IGSF9B: variants seen among roughly 807,000 people sequenced by gnomAD.
IGSF9B encodes the protein immunoglobulin superfamily member 9B.
A neutral mutation model predicts 143.7 loss-of-function variants in IGSF9B; 48 were observed. The observed-to-expected ratio is 0.33, with a 90% confidence interval of 0.26 to 0.42. IGSF9B has a LOEUF of 0.42. IGSF9B is among the 20% of genes least tolerant of loss of function. IGSF9B has a pLI of 1.00. For synonymous variants in IGSF9B, 903 were observed against 833.1 expected, an observed-to-expected ratio of 1.08 and a Z score of -1.44; for missense variants, 1,706 against 1,980.0, an observed-to-expected ratio of 0.86 and a Z score of 2.63.
intron 3 of IGSF9B, among the ~76,000 whole-genome samples, chr11:133,938,289 C>T (rs10894765): frequency 0.17 from 25,330 of 152,186 alleles, 2,638 homozygotes; most frequent in East Asian, 0.48. Flanking sequence ...CAGTCTTTCC[C>T]TTTATGATGA....
chr11:133,932,536 GAC>G (rs1267578428), intron 7 of IGSF9B, among the ~76,000 whole-genome samples: 7 of 131,922 alleles, frequency 5.3e-5, no homozygotes, highest in African/African-American at 1.8e-4. Context: ...AGAGCAGACA[GAC>G]AGACAGACAC....
At position 133,948,237 on chromosome 11, in the gene IGSF9B, C is replaced by G. The variant is rs1212054778; in HGVS notation, c.65-1979G>C. ...TCATCTCTGTGTGTCTTGTTCTCCC[C>G]CTCCCCCTCCCCTGCAAGTTGCGGA... On this transcript the variant is annotated intron_variant, in intron 1 of 19. Coordinates refer to ENST00000533871, the MANE Select transcript of IGSF9B (RefSeq NM_001277285.4). The surrounding 1 kb of genome is among the most constrained non-coding windows in gnomAD (Gnocchi z 4.7). 6.6e-6 allele frequency among the ~76,000 whole-genome samples: 1 copy of G among 152,088 alleles called. No individual in the cohort carries two copies.
At position 133,926,906 on chromosome 11, in the gene IGSF9B, G is replaced by C. The variant is rs758857111; in HGVS notation, c.1807+10C>G. 7.7e-6 allele frequency: 12 copies of C among 1,560,596 alleles called. No homozygotes were observed. In the South Asian group the frequency reaches 1.3e-4, roughly 17 times the overall value. On this transcript the variant is annotated intron_variant, in intron 13 of 19. Coordinates refer to ENST00000533871, the MANE Select transcript of IGSF9B (RefSeq NM_001277285.4). ...ACCCCCGCTCCCAACATCCCACCCC[G>C]GGCCCTCACCTAAAGTGTTCACAGT...
At position 133,924,899 on chromosome 11, in the gene IGSF9B, C is replaced by T. The variant is rs751239029; in HGVS notation, c.2040G>A (p.Thr680=). 17 of 1,613,536 alleles carry T rather than the reference C, an allele frequency of 1.1e-5. No individual in the cohort carries two copies. Among genetic ancestry groups the T allele is most frequent in the Admixed American group, 1.0e-4 (6 of 60,004 alleles). ...CGGCCAGAACCCGGAACTCATACCA[C>T]GTGTCCTGCAGCCCCAGGGACAATA... The part of the protein sequence containing the change: ...EFFAKDLSQD[T]WYEFRVLAVM... The change falls in exon 15 of 20, where the codon ACG becomes ACA. Residue 680 remains threonine, a synonymous_variant. Coordinates refer to ENST00000533871, the MANE Select transcript of IGSF9B (RefSeq NM_001277285.4).
chr11:133,919,904 C>A lies in IGSF9B; in HGVS notation c.3821G>T (p.Gly1274Val). The part of the protein sequence containing the change: ...SGSPSYRPAM[G>V]FTTLATGYPS... The stretch of plus-strand genomic sequence containing the variant: ...GTAGCCGGTGGCCAGAGTGGTGAAG[C>A]CCATGGCGGGCCGGTAGCTGGGACT... Residue 1274 changes from glycine to valine, a missense_variant, in exon 18 of 20, where the codon GGC becomes GTC. Transcript: ENST00000533871. 1 of 1,574,992 alleles carries A rather than the reference C, an allele frequency of 6.3e-7. No homozygotes were observed.
At chr11:133,941,898 C>A (rs758595067) in intron 3 of IGSF9B, among the ~76,000 whole-genome samples, 9 of 152,190 alleles carry the variant, frequency 5.9e-5, no homozygotes, top group Non-Finnish European at 1.2e-4. Context: ...GAGGCCATTT[C>A]TTCAGAGAAG....
In IGSF9B at chr11:133,920,515, C is replaced by T. The variant is rs746731786; in HGVS notation, c.3210G>A (p.Leu1070=). ...QLPPCDVPES[L]QPKAGLPRGL... ...CTCGGGGGAGGCCGGCCTTGGGCTG[C>T]AGACTCTCGGGCACATCACAGGGTG... The change falls in exon 18 of 20, where the codon CTG becomes CTA. Residue 1070 remains leucine (L), a synonymous_variant. Transcript: ENST00000533871. The T allele has an allele frequency of 1.1e-5, 18 of 1,599,874 alleles. No homozygotes were observed. The South Asian group carries it at 1.7e-4, about 15-fold the overall frequency.
At position 133,902,914 on chromosome 11, in the gene IGSF9B, G is replaced by A. The variant is rs1939160843; in HGVS notation, c.*6155C>T. 6.6e-6 allele frequency among the ~76,000 whole-genome samples: 1 copy of A among 152,070 alleles called. No homozygotes were observed. The highest frequency in any genetic ancestry group is 1.5e-5 in the Non-Finnish European group (1 of 68,010). On this transcript the variant is annotated 3_prime_UTR_variant, in exon 20 of 20. Coordinates refer to ENST00000533871, the MANE Select transcript of IGSF9B (RefSeq NM_001277285.4). The stretch of plus-strand genomic sequence containing the variant: ...TGGGTTCTACCACCAGCGTGAGGAG[G>A]GCTGGGCACTCGCCCCTCCCATGGC...
intron 14 of IGSF9B, 67 bp from the exon 15 acceptor site, chr11:133,924,971 T>A: frequency 7.5e-7 from 1 of 1,337,612 alleles, no homozygotes; most frequent in Non-Finnish European, 1.1e-6. Context: ...CCTCACACAC[T>A]CATCCTGCAC....
intron 14 of IGSF9B, 51 bp from the exon 15 acceptor site, chr11:133,924,955 C>T (rs942481372): frequency 1.4e-6 from 2 of 1,475,478 alleles, no homozygotes; most frequent in Non-Finnish European, 1.9e-6. Flanking sequence ...GAGATGACCA[C>T]TGTCCCCTCA....
rs750405530 is a variant in IGSF9B, at chr11:133,912,000, G to T, written c.3991C>A (p.Pro1331Thr). Reference protein sequence around the residue: ...PPTLPTSGTLPPAPGNAAAPE... With the variant: ...PPTLPTSGTLTPAPGNAAAPE... ...GCAGCAGCGTTCCCGGGTGCAGGTG[G>T]AAGTGTTCTGGAAAGGACAACCAGA... Residue 1331 changes from proline (P) to threonine (T), a missense_variant, in exon 19 of 20, where the codon CCA (proline) becomes ACA (threonine). This residue lies in a region of IGSF9B where 880 missense variants were observed against 762.9 expected (regional missense o/e 1.15). Transcript: ENST00000533871. 2 of 1,526,744 alleles carry T rather than the reference G, an allele frequency of 1.3e-6. No homozygotes were observed. The highest frequency in any genetic ancestry group is 4.9e-5 in the East Asian group (2 of 40,878). 94.6% of individuals were successfully genotyped at this position (1,526,744 alleles called of 1,614,324 possible). A position where few individuals can be genotyped will look rare whatever the true frequency, so the allele number is the denominator to read the frequency against.
Position 133,937,951 on chromosome 11 carries a change from G to C in IGSF9B, c.420C>G (p.Thr140=). The change falls in exon 4 of 20, where the codon ACC becomes ACG. Residue 140 remains threonine, a synonymous_variant. Coordinates refer to ENST00000533871, the MANE Select transcript of IGSF9B (RefSeq NM_001277285.4). ...WVHLTINAPP[T]FTETPPQYIE... ...TGTACTGGGGGGGTGTTTCTGTAAA[G>C]GTGGGAGGGGCTGCAAAGGAGACCA... 1.2e-6 allele frequency: 2 copies of C among 1,613,312 alleles called. No individual in the cohort carries two copies. The highest frequency in any genetic ancestry group is 1.7e-6 in the Non-Finnish European group (2 of 1,179,674).
rs963709613 is a variant in IGSF9B at position 133,920,127 on chromosome 11, G to A, written c.3598C>T (p.Arg1200Trp). ...SLHQVVLQPS[R>W]LSPLTQSPLS... is the part of the protein sequence containing the mutation. The stretch of plus-strand genomic sequence containing the variant: ...GGGCTTTGGGTCAGAGGTGAGAGCC[G>A]GGAGGGCTGTAGCACCACTTGATGT... The change falls in exon 18 of 20, where the codon CGG (arginine) becomes TGG (tryptophan). Residue 1200 changes from arginine to tryptophan, a missense_variant. This residue lies in a region of IGSF9B where 880 missense variants were observed against 762.9 expected (regional missense o/e 1.15). Transcript: ENST00000533871. 2.0e-6 allele frequency: 3 copies of A among 1,511,246 alleles called. No individual in the cohort carries two copies. Among genetic ancestry groups the A allele is most frequent in the Non-Finnish European group, 1.8e-6 (2 of 1,129,494 alleles). 93.6% of individuals were successfully genotyped at this position (1,511,246 alleles called of 1,614,324 possible).
intron 18 of IGSF9B, chr11:133,919,128 G>GGGGT: frequency 3.0e-6 from 1 of 335,538 alleles, no homozygotes; most frequent in Admixed American, 3.5e-5. Flanking sequence ...CGGGGGGGGG[G>GGGGT]TGGGGGACGT....
At position 133,946,271 on chromosome 11, in the gene IGSF9B, G is replaced by A; in HGVS notation, c.65-13C>T. The A allele has an allele frequency of 6.2e-7, 1 of 1,610,414 alleles. No individual in the cohort carries two copies. Among genetic ancestry groups the A allele is most frequent in the Non-Finnish European group, 8.5e-7 (1 of 1,178,364 alleles). ...AGGCCGTGGGCGCCTGATGGGGACG[G>A]CCAGGTTGGACACAGAAAGGAGGTG... is the stretch of plus-strand genomic sequence containing the variant. On this transcript the variant is annotated splice_polypyrimidine_tract_variant and intron_variant, in intron 1 of 19. Coordinates refer to ENST00000533871, the MANE Select transcript of IGSF9B (RefSeq NM_001277285.4).
At position 133,898,245 on chromosome 11, in the gene IGSF9B, G is replaced by A. The variant is rs765315616; in HGVS notation, c.*10824C>T. On this transcript the variant is annotated 3_prime_UTR_variant, in exon 20 of 20. Transcript: ENST00000533871. ...AAATGAGAGCAAGAAATCTCATGACGAAACTGACAGTCATATCCAGAAAAG... is the reference window on the plus strand; with the variant it reads ...AAATGAGAGCAAGAAATCTCATGACAAAACTGACAGTCATATCCAGAAAAG... 2.0e-5 allele frequency: 3 copies of A among 152,152 alleles called. No individual in the cohort carries two copies. Among genetic ancestry groups the A allele is most frequent in the Admixed American group, 6.5e-5 (1 of 15,284 alleles). The allele number at this position is 152,152 out of a possible 1,614,324, so 9.4% of individuals were successfully genotyped here.
At chr11:133,956,667 G>A (rs570528724) in intron 1 of IGSF9B, 24 bp downstream of exon 1, 3 of 1,511,844 alleles carry the variant, frequency 2.0e-6, no homozygotes, top group Admixed American at 4.1e-5. Context: ...AGGGGCAGGG[G>A]AGGGACGCCG....
At chr11:133,930,594 C>T (rs1939704849) in intron 11 of IGSF9B, among the ~76,000 whole-genome samples, 2 of 152,110 alleles carry the variant, frequency 1.3e-5, no homozygotes, top group South Asian at 2.1e-4. Flanking sequence ...GCCTGGCCTG[C>T]AGGTCTCAGC....
intron 18 of IGSF9B, among the ~76,000 whole-genome samples, chr11:133,915,818 A>T (rs1020299340): frequency 1.3e-5 from 2 of 152,126 alleles, no homozygotes; most frequent in Non-Finnish European, 2.9e-5. Context: ...TCCTCTTCTA[A>T]TCACCTAAGA....
Sources: allele counts gnomAD v4.1 joint callset (sites outside exome capture counted in the v4.1 genomes callset), GRCh38; gene constraint gnomAD v4.1.1; regional missense constraint gnomAD v4.1.1; non-coding constraint Gnocchi (gnomAD v3.1); transcripts MANE v1.5; gene names NCBI Gene and HGNC (gene_info 2026-07-23, HGNC 2026-07-21).